Variants in PDE4D observed in about 807,000 individuals in gnomAD.
PDE4D encodes 3',5'-cyclic-AMP phosphodiesterase 4D.
Under a neutral mutation model 87.4 loss-of-function variants are expected in PDE4D, and 24 were observed. That is an observed-to-expected ratio of 0.27 (90% CI 0.20 to 0.39). The LOEUF (loss-of-function observed/expected upper bound fraction) is 0.39. Among genes scored for constraint, PDE4D ranks in the 10% least tolerant of loss-of-function variants. The pLI is 1.00. For synonymous variants in PDE4D, 384 were observed against 383.2 expected (o/e 1.00, Z -0.02); for missense variants, 714 against 1,041.0 (o/e 0.69, Z 4.32).
Position 59,522,229 on chromosome 5 carries a change from T to C in PDE4D, c.456-306261A>G, listed in dbSNP as rs77998287. On this transcript the variant is annotated intron_variant, in intron 1 of 14. Coordinates refer to ENST00000340635, the MANE Select transcript of PDE4D (RefSeq NM_001104631.2). ...ATTTTAAATACTTGTTCTTGAACTATAAATAACCACATAGAAATATGAGGA... is the reference window on the plus strand; with the variant it reads ...ATTTTAAATACTTGTTCTTGAACTACAAATAACCACATAGAAATATGAGGA... Among the ~76,000 whole-genome samples the C allele has an allele frequency of 8.5e-3, 1,301 of 152,352 alleles. 21 individuals are homozygous for C. The highest frequency in any genetic ancestry group is 0.029 in the African/African-American group (1,218 of 41,592).
chr5:60,072,095 C>T (rs1429516524), intron 2 of PDE4D, among the ~76,000 whole-genome samples: 10 of 152,128 alleles, frequency 6.6e-5, no homozygotes, highest in Non-Finnish European at 1.0e-4. Context: ...GGAATTGCCA[C>T]ACTACTTTCT....
chr5:60,258,022 G>A (rs1749279368), intron 1 of PDE4D, among the ~76,000 whole-genome samples: 2 of 151,962 alleles, frequency 1.3e-5, no homozygotes, highest in Non-Finnish European at 2.9e-5. Flanking sequence ...ACAAAGGGAA[G>A]AATGAAGCCT....
intron 1 of PDE4D, chr5:59,768,661 G>T (rs1313519559): frequency 1.3e-6 from 2 of 1,495,406 alleles, no homozygotes; most frequent in Non-Finnish European, 1.8e-6. Context: ...GCCTGGGGCT[G>T]GGTGCAGAGG....
chr5:59,151,411 T>G (rs765763716), intron 5 of PDE4D, among the ~76,000 whole-genome samples: 26 of 152,292 alleles, frequency 1.7e-4, no homozygotes, highest in Non-Finnish European at 2.9e-4. Context: ...GACTAACATG[T>G]AGAAATTGTG....
chr5:59,854,067 T>C (rs1360503622), intron 1 of PDE4D, among the ~76,000 whole-genome samples: 1 of 152,072 alleles, frequency 6.6e-6, no homozygotes, highest in Non-Finnish European at 1.5e-5. Flanking sequence ...AATGTATGCA[T>C]AAATTCATAG....
At chr5:59,319,078 GA>G (rs370208281) in intron 1 of PDE4D, among the ~76,000 whole-genome samples, 10 of 151,976 alleles carry the variant, frequency 6.6e-5, no homozygotes, top group African/African-American at 2.4e-4. Context: ...AATCTAAGGA[GA>G]TTCAAGTTAA....
intron 1 of PDE4D, among the ~76,000 whole-genome samples, chr5:59,621,212 T>C (rs1041430576): frequency 2.6e-5 from 4 of 152,170 alleles, no homozygotes; most frequent in Non-Finnish European, 5.9e-5. Context: ...CCCTTATTAG[T>C]TTTTCAATTA....
chr5:59,763,330 T>A (rs563955373), intron 1 of PDE4D, among the ~76,000 whole-genome samples: 1 of 150,940 alleles, frequency 6.6e-6, no homozygotes, highest in African/African-American at 2.4e-5. Context: ...ATAATAATAA[T>A]AAAATAAAAA....
intron 1 of PDE4D, among the ~76,000 whole-genome samples, chr5:59,634,436 C>T (rs973531367): frequency 8.5e-5 from 13 of 152,168 alleles, no homozygotes; most frequent in African/African-American, 3.1e-4. Flanking sequence ...AATATACATT[C>T]TTCTCAGCAC....
At chr5:59,769,362 T>C (rs1161912991) in intron 1 of PDE4D, among the ~76,000 whole-genome samples, 2 of 152,234 alleles carry the variant, frequency 1.3e-5, no homozygotes, top group Admixed American at 6.5e-5. Context: ...TGTTTTCTCT[T>C]TGCATTTAAA....
intron 2 of PDE4D, among the ~76,000 whole-genome samples, chr5:60,069,361 G>A (rs1257066976): frequency 1.3e-5 from 2 of 152,152 alleles, no homozygotes; most frequent in Non-Finnish European, 2.9e-5. Context: ...TAACTATGAG[G>A]AAGCAGTCCA....
intron 2 of PDE4D, among the ~76,000 whole-genome samples, chr5:60,041,058 T>G (rs1768425005): frequency 6.6e-6 from 1 of 152,216 alleles, no homozygotes; most frequent in Non-Finnish European, 1.5e-5. Context: ...GTTTTATAAT[T>G]TAACTGCCAT....
At chr5:59,244,502 A>G (rs1758358522) in intron 1 of PDE4D, among the ~76,000 whole-genome samples, 1 of 151,172 alleles carries the variant, frequency 6.6e-6, no homozygotes, top group Non-Finnish European at 1.5e-5. Context: ...ATATCCTATT[A>G]TGTGCCAGAT....
chr5:59,947,930 C>T (rs988469649), intron 3 of PDE4D, among the ~76,000 whole-genome samples: 1 of 152,104 alleles, frequency 6.6e-6, no homozygotes, highest in South Asian at 2.1e-4. Context: ...TCACTTGAAC[C>T]CAAGAGGTGG....
intron 1 of PDE4D, among the ~76,000 whole-genome samples, chr5:60,505,271 C>A (rs986352209): frequency 3.3e-5 from 5 of 152,196 alleles, no homozygotes; most frequent in Non-Finnish European, 7.3e-5. Context: ...GCCATTTTGG[C>A]ACATTTAGGA....
At chr5:59,297,011 C>T (rs956468383) in intron 1 of PDE4D, among the ~76,000 whole-genome samples, 4 of 152,212 alleles carry the variant, frequency 2.6e-5, no homozygotes, top group South Asian at 2.1e-4. Flanking sequence ...CAACACAGGG[C>T]TCACTGTAAT....
chr5:59,586,750 T>C (rs1825201590), intron 1 of PDE4D: 1 of 985,466 alleles, frequency 1.0e-6, no homozygotes, highest in South Asian at 4.7e-5. Flanking sequence ...GGAAGGACTC[T>C]GGAATGTGGG....
At chr5:60,257,746 T>C (rs1749242314) in intron 1 of PDE4D, among the ~76,000 whole-genome samples, 2 of 151,986 alleles carry the variant, frequency 1.3e-5, no homozygotes, top group African/African-American at 4.8e-5. Flanking sequence ...TCCTCAACTC[T>C]GTGAAGTGTC....
chr5:60,317,996 A>T (rs1260308731), intron 1 of PDE4D, among the ~76,000 whole-genome samples: 1 of 152,160 alleles, frequency 6.6e-6, no homozygotes, highest in Non-Finnish European at 1.5e-5. Flanking sequence ...GTAGATGTCT[A>T]TTAGGTCTGC....
Sources: gnomAD v4.1 joint callset for allele counts (sites outside exome capture counted in the v4.1 genomes callset) on GRCh38, gnomAD v4.1.1 for gene constraint, MANE v1.5 for transcripts, NCBI Gene and HGNC (gene_info 2026-07-23, HGNC 2026-07-21) for gene names.